WSCD1: variants seen among roughly 807,000 people sequenced by gnomAD.
WSCD1 encodes WSC domain sialate O sulfotransferase 1, also known as sialate:O-sulfotransferase 1.
A neutral mutation model predicts 60.4 loss-of-function variants in WSCD1; 41 were observed. That is an observed-to-expected ratio of 0.68 (90% confidence interval 0.53 to 0.88). WSCD1 has a LOEUF of 0.88. Ranked by LOEUF, WSCD1 falls within the 40% of genes least tolerant of loss-of-function variation. The pLI is 0.00. For synonymous variants in WSCD1, 361 were observed against 332.5 expected, an observed-to-expected ratio of 1.09 and a Z score of -0.93; for missense variants, 784 against 796.2, an observed-to-expected ratio of 0.98 and a Z score of 0.18.
At chr17:6,113,236 A>G (rs1911505360) in intron 7 of WSCD1, among the ~76,000 whole-genome samples, 1 of 152,216 alleles carries the variant, frequency 6.6e-6, no homozygotes, top group Admixed American at 6.5e-5. Context: ...GGAAGACTGG[A>G]TAACCATATG....
In WSCD1 at chr17:6,118,056, A is replaced by G; in HGVS notation, c.1243A>G (p.Arg415Gly). Residue 415 changes from arginine to glycine, a missense_variant, in exon 8 of 9, where the codon AGG becomes GGG. Arg to Gly is a moderately radical substitution (Grantham distance 125). Transcript: ENST00000317744. The surrounding 1 kb of genome is among the most constrained non-coding windows in gnomAD (Gnocchi z 5.8). ...TICVKTHESG[R>G]REIEMFDSAI... ...CTGTGTCAAAACCCACGAGAGTGGCAGGAGGGAGATTGAGATGTTTGATTC... is the reference window on the plus strand; with the variant it reads ...CTGTGTCAAAACCCACGAGAGTGGCGGGAGGGAGATTGAGATGTTTGATTC... 6.2e-7 allele frequency: 1 copy of G among 1,614,192 alleles called. No individual in the cohort carries two copies. Among genetic ancestry groups the G allele is most frequent in the Non-Finnish European group, 8.5e-7 (1 of 1,180,028 alleles).
intron 3 of WSCD1, among the ~76,000 whole-genome samples, chr17:6,089,806 G>A (rs1909903623): frequency 6.6e-6 from 1 of 152,208 alleles, no homozygotes; most frequent in Non-Finnish European, 1.5e-5. Flanking sequence ...GCAGGGCAGA[G>A]CTCAGGGCTG....
Position 6,081,104 on chromosome 17 carries a change from T to G in WSCD1, c.427+19T>G, listed in dbSNP as rs1482630664. 1.3e-6 allele frequency: 2 copies of G among 1,525,660 alleles called. No individual in the cohort carries two copies. Among genetic ancestry groups the G allele is most frequent in the South Asian group, 2.4e-5 (2 of 83,362 alleles). 94.5% of individuals were successfully genotyped at this position (1,525,660 alleles called of 1,614,324 possible). On this transcript the variant is annotated intron_variant, in intron 2 of 8. Coordinates refer to ENST00000317744, the MANE Select transcript of WSCD1 (RefSeq NM_015253.2). ...AGCCGAGGTAGGCGCTCAGCTGCAT[T>G]TGGGGGAGCTGTTCCCAGGACCCCC...
At chr17:6,073,030 T>C (rs144625374) in intron 1 of WSCD1, among the ~76,000 whole-genome samples, 2,327 of 152,316 alleles carry the variant, frequency 0.015, 24 homozygotes, top group Middle Eastern at 0.061. Flanking sequence ...CCTGGAGATG[T>C]GAGCTCCCTT....
At chr17:6,078,274 A>G (rs571882929) in intron 1 of WSCD1, among the ~76,000 whole-genome samples, 2 of 152,314 alleles carry the variant, frequency 1.3e-5, no homozygotes, top group South Asian at 4.1e-4. Context: ...CTCTACCCCT[A>G]AGGAGATTAC....
chr17:6,076,373 G>C (rs1908859509), intron 1 of WSCD1, among the ~76,000 whole-genome samples: 1 of 152,222 alleles, frequency 6.6e-6, no homozygotes, highest in Middle Eastern at 3.2e-3. Flanking sequence ...AGCAGTCTCA[G>C]CATGGGGATC....
At position 6,120,354 on chromosome 17, in the gene WSCD1, A is replaced by G; in HGVS notation, c.1421A>G (p.His474Arg). Residue 474 changes from histidine to arginine, a missense_variant, in exon 9 of 9, where the codon CAC becomes CGC. By Grantham distance (29) the His-to-Arg change is conservative. Transcript: ENST00000317744. ...AGCTACGCCTCGTGGTGGTCCTCGC[A>G]CGTCCTGGACTGGCTCAAGTACGGG... ...VNSYASWWSS[H>R]VLDWLKYGKR... 4 of 1,614,032 alleles carry G rather than the reference A, an allele frequency of 2.5e-6. No individual in the cohort carries two copies. The highest frequency in any genetic ancestry group is 3.4e-6 in the Non-Finnish European group (4 of 1,180,000).
intron 5 of WSCD1, among the ~76,000 whole-genome samples, chr17:6,095,435 G>A (rs545328757): frequency 1.3e-5 from 2 of 152,338 alleles, no homozygotes; most frequent in South Asian, 4.1e-4. Flanking sequence ...GGCTGGGTGG[G>A]GAATTGTCAG....
chr17:6,106,247 A>G (rs1448243097), intron 5 of WSCD1, among the ~76,000 whole-genome samples: 1 of 152,232 alleles, frequency 6.6e-6, no homozygotes, highest in African/African-American at 2.4e-5. Flanking sequence ...AGGAAGTAGG[A>G]ATCATAGGTG....
intron 5 of WSCD1, among the ~76,000 whole-genome samples, chr17:6,099,611 C>T (rs997855392): frequency 3.3e-5 from 5 of 152,100 alleles, no homozygotes; most frequent in Non-Finnish European, 5.9e-5. Context: ...TCATGGCCAC[C>T]TCCAGATAAC....
chr17:6,069,426 TGTGA>T (rs1194969061), upstream of WSCD1: 4,475 of 256,622 alleles, frequency 0.017, 6 homozygotes, highest in East Asian at 0.036. Flanking sequence ...TGTGTGTGTG[TGTGA>T]GAGAGAGAGA....
At chr17:6,107,212 C>G (rs1171629732) in intron 5 of WSCD1, among the ~76,000 whole-genome samples, 1 of 152,168 alleles carries the variant, frequency 6.6e-6, no homozygotes, top group Non-Finnish European at 1.5e-5. Flanking sequence ...AGGGCCTACC[C>G]TGATGGCCTC....
chr17:6,085,672 G>T (rs9891548), intron 2 of WSCD1, among the ~76,000 whole-genome samples: 3,655 of 152,308 alleles, frequency 0.024, 134 homozygotes, highest in African/African-American at 0.081. Flanking sequence ...TGAAAACCTT[G>T]TGGTTAATTT....
At chr17:6,091,891 T>A (rs964033699) in intron 4 of WSCD1, among the ~76,000 whole-genome samples, 1 of 152,142 alleles carries the variant, frequency 6.6e-6, no homozygotes, top group Admixed American at 6.5e-5. Flanking sequence ...GCGCGGTGGC[T>A]CACGCCTGTA....
chr17:6,117,863 C>T (rs1460750567), intron 7 of WSCD1, 125 bp from the exon 8 acceptor site: 9 of 953,944 alleles, frequency 9.4e-6, no homozygotes, highest in Non-Finnish European at 1.3e-5. Context: ...TCTCAGTGTC[C>T]TCTGTGTCTT....
In WSCD1 at chr17:6,123,560, A is replaced by C. The variant is rs1904830641; in HGVS notation, c.*2899A>C. On this transcript the variant is annotated 3_prime_UTR_variant, in exon 9 of 9. Coordinates refer to ENST00000317744, the MANE Select transcript of WSCD1 (RefSeq NM_015253.2). ...AATGCATTCTCCCCTTAAAAGTAGC[A>C]GTAGCCACTTGGTTCTTAGGGGGCC... 6.6e-6 allele frequency: 1 copy of C among 152,208 alleles called. No individual in the cohort carries two copies. Among genetic ancestry groups the C allele is most frequent in the Admixed American group, 6.5e-5 (1 of 15,286 alleles). The allele number at this position is 152,208 out of a possible 1,614,324, so 9.4% of individuals were successfully genotyped here.
chr17:6,076,021 G>A (rs926896113), intron 1 of WSCD1, among the ~76,000 whole-genome samples: 1 of 152,234 alleles, frequency 6.6e-6, no homozygotes. Context: ...CTTCAAAAAG[G>A]TGCTGACAGA....
At chr17:6,089,559 TGGCAGGCACTTC>T (rs1465221873) in intron 3 of WSCD1, among the ~76,000 whole-genome samples, 1 of 152,164 alleles carries the variant, frequency 6.6e-6, no homozygotes, top group Non-Finnish European at 1.5e-5. Context: ...ATGTGACACG[TGGCAGGCACTTC>T]AGACCAGCTC....
At chr17:6,087,560 T>C (rs1909737731) in intron 2 of WSCD1, among the ~76,000 whole-genome samples, 1 of 152,204 alleles carries the variant, frequency 6.6e-6, no homozygotes, top group Non-Finnish European at 1.5e-5. Context: ...TTCTTCTCTC[T>C]GGCCCCCAAG....
Sources: allele counts gnomAD v4.1 joint callset (sites outside exome capture counted in the v4.1 genomes callset), GRCh38; gene constraint gnomAD v4.1.1; non-coding constraint Gnocchi (gnomAD v3.1); transcripts MANE v1.5; gene names NCBI Gene and HGNC (gene_info 2026-07-23, HGNC 2026-07-21).